The following STK33 variants were observed in gnomAD, a reference collection of about 807,000 sequenced individuals.
STK33 encodes the protein serine/threonine-protein kinase 33.
In STK33, 52 loss-of-function variants were observed where a neutral mutation model predicts 58.0. That is an observed-to-expected ratio of 0.90 (90% CI 0.72 to 1.13). The LOEUF is 1.13. Ranked by LOEUF, STK33 falls within the 50% of genes most tolerant of loss-of-function variation. The pLI is 0.00. For synonymous variants in STK33, 215 were observed against 200.1 expected (o/e 1.07, Z -0.63); for missense variants, 630 against 604.2 (o/e 1.04, Z -0.45).
chr11:8,507,573 C>T (rs1280423452), intron 1 of STK33, among the ~76,000 whole-genome samples: 2 of 152,042 alleles, frequency 1.3e-5, no homozygotes, highest in Admixed American at 1.3e-4. Flanking sequence ...AAATATAGAG[C>T]ATGTCTATGT....
intron 9 of STK33, among the ~76,000 whole-genome samples, chr11:8,455,693 C>G (rs931189373): frequency 4.6e-4 from 70 of 151,556 alleles, no homozygotes; most frequent in African/African-American, 1.5e-3. Flanking sequence ...TGCCTATAGT[C>G]CCAGCTACTC....
chr11:8,345,824 G>A, the STK33 span, among the ~76,000 whole-genome samples: 2 of 152,238 alleles, frequency 1.3e-5, no homozygotes, highest in South Asian at 4.1e-4. Flanking sequence ...GAAAATCAAC[G>A]AGAGAAAGAT....
chr11:8,457,313 T>C, intron 9 of STK33, 28 bp downstream of exon 9: 1 of 1,504,630 alleles, frequency 6.6e-7, no homozygotes. Context: ...ATTCATGGGG[T>C]CAATGAGCTG....
intron 1 of STK33, among the ~76,000 whole-genome samples, chr11:8,564,638 C>A (rs1957333422): frequency 6.6e-6 from 1 of 152,076 alleles, no homozygotes; most frequent in South Asian, 2.1e-4. Flanking sequence ...TTGCAGTTAA[C>A]CACAGATGGA....
chr11:8,439,211 T>C (rs577646969), intron 12 of STK33, among the ~76,000 whole-genome samples: 1 of 152,298 alleles, frequency 6.6e-6, no homozygotes, highest in South Asian at 2.1e-4. Flanking sequence ...TATTGAGCAC[T>C]GAATGTATGT....
At chr11:8,341,046 C>G in the STK33 span, among the ~76,000 whole-genome samples, 1 of 152,114 alleles carries the variant, frequency 6.6e-6, no homozygotes, top group Non-Finnish European at 1.5e-5. Context: ...TTAGTAGAGA[C>G]GGGGTTTCAT....
At chr11:8,484,463 C>G (rs1431799696) in intron 1 of STK33, among the ~76,000 whole-genome samples, 1 of 152,146 alleles carries the variant, frequency 6.6e-6, no homozygotes, top group African/African-American at 2.4e-5. Flanking sequence ...TAAAATACAA[C>G]CCTACGGGAG....
At chr11:8,514,692 C>T (rs1420925287) in intron 1 of STK33, among the ~76,000 whole-genome samples, 1 of 152,166 alleles carries the variant, frequency 6.6e-6, no homozygotes, top group African/African-American at 2.4e-5. Context: ...TACCCACAGG[C>T]GCTAGCAGGA....
intron 15 of STK33, among the ~76,000 whole-genome samples, chr11:8,397,805 A>G (rs929499626): frequency 2.0e-5 from 3 of 152,176 alleles, no homozygotes; most frequent in African/African-American, 7.2e-5. Context: ...TGAGAACTAC[A>G]TGACAAATGC....
intron 1 of STK33, among the ~76,000 whole-genome samples, chr11:8,579,714 A>G (rs994236714): frequency 6.6e-6 from 1 of 152,142 alleles, no homozygotes; most frequent in African/African-American, 2.4e-5. Context: ...GGAAGTCATC[A>G]AGTATGCTAC....
In STK33 at chr11:8,413,538, A is replaced by C. The variant is rs755520485; in HGVS notation, c.1301T>G (p.Val434Gly). ...ATCTGAAGTGTAATTGGCATCAGGG[A>C]CATTTCCCCAGGGTTGGTAACTTTT... ...KLKSYQPWGNVPDANYTSDEE... is the reference protein window; with the variant it reads ...KLKSYQPWGNGPDANYTSDEE... Residue 434 changes from valine to glycine, a missense_variant, in exon 15 of 16, where the codon GTC (valine) becomes GGC (glycine). Val to Gly is a moderately radical substitution (Grantham distance 109). Coordinates refer to ENST00000687296, the MANE Select transcript of STK33 (RefSeq NM_001352389.2). 1.2e-6 allele frequency: 2 copies of C among 1,613,938 alleles called. No individual in the cohort carries two copies. Among genetic ancestry groups the C allele is most frequent in the Non-Finnish European group, 1.7e-6 (2 of 1,179,956 alleles).
intron 12 of STK33, among the ~76,000 whole-genome samples, chr11:8,440,067 A>G (rs1468413787): frequency 6.6e-6 from 1 of 151,724 alleles, no homozygotes; most frequent in East Asian, 1.9e-4. Flanking sequence ...TAAGGAGAAA[A>G]GATACAGGTG....
At chr11:8,572,733 T>A (rs1957911963) in intron 1 of STK33, among the ~76,000 whole-genome samples, 1 of 151,952 alleles carries the variant, frequency 6.6e-6, no homozygotes, top group African/African-American at 2.4e-5. Context: ...AAAGATATAT[T>A]TTAAATGACC....
chr11:8,393,522 C>G (rs1303640214), intron 15 of STK33, among the ~76,000 whole-genome samples: 2 of 152,174 alleles, frequency 1.3e-5, no homozygotes, highest in East Asian at 3.9e-4. Context: ...GCATAGAGTT[C>G]TAAAAGAGTA....
At chr11:8,485,534 A>C (rs1950139985) in intron 1 of STK33, among the ~76,000 whole-genome samples, 1 of 152,348 alleles carries the variant, frequency 6.6e-6, no homozygotes, top group South Asian at 2.1e-4. Flanking sequence ...TATTGTGAAA[A>C]GTCCAGAGTA....
At chr11:8,516,215 C>A (rs149623296) in intron 1 of STK33, among the ~76,000 whole-genome samples, 146 of 152,296 alleles carry the variant, frequency 9.6e-4, no homozygotes, top group African/African-American at 3.4e-3. Context: ...AACATATTGA[C>A]TAATGGAACA....
chr11:8,552,144 T>C (rs1367415699), intron 1 of STK33, among the ~76,000 whole-genome samples: 1 of 152,236 alleles, frequency 6.6e-6, no homozygotes, highest in Non-Finnish European at 1.5e-5. Flanking sequence ...TTCCCTCCTA[T>C]CACCCTATAA....
chr11:8,506,973 T>A (rs1440441328), intron 1 of STK33, among the ~76,000 whole-genome samples: 1 of 152,208 alleles, frequency 6.6e-6, no homozygotes, highest in Non-Finnish European at 1.5e-5. Context: ...TACTTCAGAT[T>A]TCCAATTCTG....
At chr11:8,348,879 C>G in the STK33 span, among the ~76,000 whole-genome samples, 2 of 132,980 alleles carry the variant, frequency 1.5e-5, no homozygotes, top group Admixed American at 7.7e-5. Flanking sequence ...ACTTAAGAAA[C>G]TGGAAAAAAA....
Sources: gnomAD v4.1 joint callset for allele counts (sites outside exome capture counted in the v4.1 genomes callset) on GRCh38, gnomAD v4.1.1 for gene constraint, MANE v1.5 for transcripts, NCBI Gene and HGNC (gene_info 2026-07-23, HGNC 2026-07-21) for gene names.